Variants in IQSEC3 observed in about 807,000 individuals in gnomAD.
IQSEC3 encodes IQ motif and SEC7 domain-containing protein 3.
A neutral mutation model predicts 105.4 loss-of-function variants in IQSEC3; 50 were observed. That is an observed-to-expected ratio of 0.47 (90% CI 0.38 to 0.60). The LOEUF (loss-of-function observed/expected upper bound fraction) is 0.60, where lower values mean the gene tolerates loss of function less well. Ranked by LOEUF, IQSEC3 falls within the 20% of genes least tolerant of loss-of-function variation. IQSEC3 has a pLI of 0.00. For synonymous variants in IQSEC3, 708 were observed against 746.0 expected (o/e 0.95, Z 0.83); for missense variants, 1,415 against 1,630.0 (o/e 0.87, Z 2.27).
chr12:169,672 G>A (rs1938867410), intron 12 of IQSEC3, among the ~76,000 whole-genome samples: 1 of 152,174 alleles, frequency 6.6e-6, no homozygotes, highest in South Asian at 2.1e-4. Context: ...CTCCAGCCGA[G>A]TCACACTGGC....
rs142447041 is a variant in IQSEC3, at chr12:83,811, C to T, written c.555-15335C>T. On this transcript the variant is annotated intron_variant, in intron 1 of 13. Transcript: ENST00000538872. ...AGCAGTTCAGCAGGGAGCCCCGGAG[C>T]GCCGTGCACCCTTGTTTGGTGTCCA... Among the ~76,000 whole-genome samples, 9 of 152,212 alleles carry T rather than the reference C, an allele frequency of 5.9e-5. No individual in the cohort carries two copies. In the South Asian group the frequency reaches 6.2e-4, roughly 11 times the overall value.
In IQSEC3 at chr12:172,928, G is replaced by A. The variant is rs781890673; in HGVS notation, c.3115-1671G>A. Among the ~76,000 whole-genome samples the A allele has an allele frequency of 2.0e-4, 30 of 152,320 alleles. 1 individual carries two copies. The highest frequency in any genetic ancestry group is 3.4e-3 in the Middle Eastern group (1 of 294). ...GCAGGCTGTGGCCCAGAGGGGGCGC[G>A]GCACGGGGAGCTTCAGGGAGAAGAA... On this transcript the variant is annotated intron_variant, in intron 13 of 13. Coordinates refer to ENST00000538872, the MANE Select transcript of IQSEC3 (RefSeq NM_001170738.2).
chr12:137,045 C>G (rs2136992761), intron 3 of IQSEC3, among the ~76,000 whole-genome samples: 1 of 152,218 alleles, frequency 6.6e-6, no homozygotes, highest in South Asian at 2.1e-4. Flanking sequence ...CGAGCCCACC[C>G]CACCCAGCCC....
At chr12:101,309 G>A (rs1259125452) in intron 2 of IQSEC3, among the ~76,000 whole-genome samples, 2 of 152,218 alleles carry the variant, frequency 1.3e-5, no homozygotes, top group African/African-American at 2.4e-5. Flanking sequence ...TAGATGTGGG[G>A]CAGGGGAGGG....
chr12:74,030 G>A (rs539696258), intron 1 of IQSEC3, among the ~76,000 whole-genome samples: 7 of 152,334 alleles, frequency 4.6e-5, no homozygotes, highest in South Asian at 2.1e-4. Flanking sequence ...GTTATCACCC[G>A]ATGCCCCATG....
At chr12:171,375 C>T in intron 13 of IQSEC3, 1 of 1,533,946 alleles carries the variant, frequency 6.5e-7, no homozygotes, top group Non-Finnish European at 9.0e-7. Flanking sequence ...TCTTTCTCCC[C>T]TTTCCCCAGC....
chr12:93,773 T>C (rs180724944), intron 1 of IQSEC3, among the ~76,000 whole-genome samples: 3 of 152,230 alleles, frequency 2.0e-5, no homozygotes, highest in African/African-American at 7.2e-5. Context: ...GTTATGGGAG[T>C]GGCTTCCTCA....
chr12:118,939 G>A (rs1865134160), intron 2 of IQSEC3, among the ~76,000 whole-genome samples: 1 of 152,216 alleles, frequency 6.6e-6, no homozygotes, highest in South Asian at 2.1e-4. Context: ...CACAAATGCT[G>A]GGGGCCACTG....
chr12:127,038 G>A (rs1445414391), intron 3 of IQSEC3, among the ~76,000 whole-genome samples: 1 of 152,230 alleles, frequency 6.6e-6, no homozygotes, highest in Non-Finnish European at 1.5e-5. Flanking sequence ...AAGGAGGGTT[G>A]TTCTCAAACC....
chr12:125,847 G>T lies in IQSEC3; in HGVS notation c.838G>T (p.Ala280Ser). The change falls in exon 3 of 14, where the codon GCG becomes TCG. Residue 280 changes from alanine (A) to serine (S), a missense_variant. By Grantham distance (99) the Ala-to-Ser change is moderately conservative (BLOSUM62 1). This residue lies in a region of IQSEC3 where 720 missense variants were observed against 633.0 expected (regional missense o/e 1.14). Transcript: ENST00000538872. ...PGRQQPALAT[A>S]LCPHAPAASD... Reference sequence around the variant, plus strand: ...CCGGCAGCAGCCTGCCCTGGCGACGGCGCTGTGCCCCCACGCCCCTGCCGC... The same window carrying T: ...CCGGCAGCAGCCTGCCCTGGCGACGTCGCTGTGCCCCCACGCCCCTGCCGC... The T allele has an allele frequency of 6.5e-7, 1 of 1,533,196 alleles. No individual in the cohort carries two copies. Among genetic ancestry groups the T allele is most frequent in the African/African-American group, 1.4e-5 (1 of 72,952 alleles). The allele number at this position is 1,533,196 out of a possible 1,614,324, so 95.0% of individuals were successfully genotyped here. A position where few individuals can be genotyped will look rare whatever the true frequency, so the allele number is the denominator to read the frequency against.
intron 9 of IQSEC3, among the ~76,000 whole-genome samples, chr12:164,301 C>T (rs571893852): frequency 3.1e-4 from 47 of 152,144 alleles, no homozygotes; most frequent in Non-Finnish European, 5.1e-4. Flanking sequence ...TCTTAGTGCA[C>T]GCCTGGTACA....
chr12:99,243 G>A (rs145772508), intron 2 of IQSEC3, 29 bp downstream of exon 2: 127 of 1,585,918 alleles, frequency 8.0e-5, no homozygotes, highest in African/African-American at 2.1e-4. Flanking sequence ...CCTCCCTTCC[G>A]CATCCCCACC....
At chr12:155,172 G>A (rs1866643714) in intron 5 of IQSEC3, among the ~76,000 whole-genome samples, 1 of 152,244 alleles carries the variant, frequency 6.6e-6, no homozygotes, top group African/African-American at 2.4e-5. Context: ...TGGAGGTGAG[G>A]AGGGCCACCG....
At chr12:112,769 T>TG (rs1431404076) in intron 2 of IQSEC3, among the ~76,000 whole-genome samples, 95 of 152,232 alleles carry the variant, frequency 6.2e-4, no homozygotes, top group Non-Finnish European at 9.0e-4. Context: ...GCAAAACAAA[T>TG]GGCAGGTGGT....
intron 5 of IQSEC3, chr12:144,495 C>T (rs1866178754): frequency 6.6e-6 from 1 of 152,240 alleles, no homozygotes; most frequent in Non-Finnish European, 1.5e-5. Context: ...AGCACTCTCC[C>T]AAGAAGCAGC....
chr12:77,511 GA>G (rs1555069524), intron 1 of IQSEC3: 1 of 760,756 alleles, frequency 1.3e-6, no homozygotes, highest in Non-Finnish European at 1.6e-6. Context: ...CAGCAGGAGG[GA>G]CCGAGCTTAG....
rs1264655533 is a variant in IQSEC3, at chr12:176,339, A to C, written c.*1306A>C. The C allele has an allele frequency of 6.6e-6, 1 of 152,324 alleles. No individual in the cohort carries two copies. Among genetic ancestry groups the C allele is most frequent in the Non-Finnish European group, 1.5e-5 (1 of 68,166 alleles). The allele number at this position is 152,324 out of a possible 1,614,324, so 9.4% of individuals were successfully genotyped here. A position where few individuals can be genotyped will look rare whatever the true frequency, so the allele number is the denominator to read the frequency against. Reference sequence around the variant, plus strand: ...GAGAGGCAGCCACCCCAGAGACCACAGGAGCCGTACCATGGCCTGCGCAGT... The same window carrying C: ...GAGAGGCAGCCACCCCAGAGACCACCGGAGCCGTACCATGGCCTGCGCAGT... On this transcript the variant is annotated 3_prime_UTR_variant, in exon 14 of 14. Transcript: ENST00000538872. This position sits in a 1 kb window ranked among gnomAD's most constrained non-coding sequence, Gnocchi z 4.0.
intron 2 of IQSEC3, among the ~76,000 whole-genome samples, chr12:103,820 A>G: frequency 2.3e-4 from 1 of 4,296 alleles, no homozygotes; most frequent in Non-Finnish European, 4.5e-4. Context: ...TCAGGTGGGG[A>G]GGCAGGACTC....
Position 157,049 on chromosome 12 carries a change from C to A in IQSEC3, c.2178C>A (p.Phe726Leu). The change falls in exon 6 of 14, where the codon TTC becomes TTA. Residue 726 changes from phenylalanine (F) to leucine (L), a missense_variant. Transcript: ENST00000538872. ...GCTGCGTGGTGGACGAGATGGACTT[C>A]TCCAGCATGGAGCTGGACGAGGCCC... Reference protein sequence around the residue: ...VLDCVVDEMDFSSMELDEALR... With the variant: ...VLDCVVDEMDLSSMELDEALR... 6.2e-7 allele frequency: 1 copy of A among 1,606,590 alleles called. No individual in the cohort carries two copies. Among genetic ancestry groups the A allele is most frequent in the Non-Finnish European group, 8.5e-7 (1 of 1,176,330 alleles).
Sources: gnomAD v4.1 joint callset for allele counts (sites outside exome capture counted in the v4.1 genomes callset) on GRCh38, gnomAD v4.1.1 for gene constraint, gnomAD v4.1.1 regional missense constraint, Gnocchi (gnomAD v3.1) non-coding constraint, MANE v1.5 for transcripts, NCBI Gene and HGNC (gene_info 2026-07-23, HGNC 2026-07-21) for gene names.